The following DLG2 variants were observed in gnomAD, a reference collection of about 807,000 sequenced individuals.
DLG2 encodes the protein discs large MAGUK scaffold protein 2.
Under a neutral mutation model 132.5 loss-of-function variants are expected in DLG2, and 45 were observed. That is an observed-to-expected ratio of 0.34 (90% CI 0.27 to 0.44). The LOEUF is 0.44. Among genes scored for constraint, DLG2 ranks in the 20% least tolerant of loss-of-function variants. DLG2 has a pLI of 1.00. For missense variants in DLG2, 1,045 were observed against 1,196.9 expected, an observed-to-expected ratio of 0.87 and a Z score of 1.87; for synonymous variants, 424 against 419.6, an observed-to-expected ratio of 1.01 and a Z score of -0.13.
chr11:85,060,266 C>A (rs567394983), intron 6 of DLG2, among the ~76,000 whole-genome samples: 7 of 151,164 alleles, frequency 4.6e-5, no homozygotes, highest in African/African-American at 1.7e-4. Context: ...CATATTGTAG[C>A]ATATGACAAG....
intron 6 of DLG2, among the ~76,000 whole-genome samples, chr11:84,879,660 G>A (rs907459899): frequency 8.6e-5 from 13 of 152,026 alleles, no homozygotes; most frequent in African/African-American, 3.1e-4. Flanking sequence ...TGGTTTTTAG[G>A]GCTAGGACGT....
At chr11:85,179,548 C>T (rs1222703079) in intron 4 of DLG2, among the ~76,000 whole-genome samples, 1 of 151,112 alleles carries the variant, frequency 6.6e-6, no homozygotes, top group Non-Finnish European at 1.5e-5. Flanking sequence ...ATTATGTATG[C>T]CAAAAAGATA....
intron 3 of DLG2, among the ~76,000 whole-genome samples, chr11:85,447,430 G>A (rs973609025): frequency 1.3e-5 from 2 of 152,064 alleles, no homozygotes; most frequent in Non-Finnish European, 2.9e-5. Flanking sequence ...AATATGACTG[G>A]TGACTTTATA....
chr11:84,381,855 T>G (rs915123848), intron 7 of DLG2, among the ~76,000 whole-genome samples: 3 of 152,124 alleles, frequency 2.0e-5, no homozygotes, highest in Non-Finnish European at 2.9e-5. Flanking sequence ...CCAACTGAAC[T>G]TAGATTGTCT....
At chr11:84,756,199 C>T (rs2066855454) in intron 6 of DLG2, among the ~76,000 whole-genome samples, 1 of 152,034 alleles carries the variant, frequency 6.6e-6, no homozygotes, top group Non-Finnish European at 1.5e-5. Context: ...CTTTTTTATG[C>T]CTTTGTTTTC....
intron 18 of DLG2, among the ~76,000 whole-genome samples, chr11:83,758,430 A>G (rs1016941237): frequency 6.6e-6 from 1 of 152,198 alleles, no homozygotes; most frequent in African/African-American, 2.4e-5. Flanking sequence ...TTTGCAGTCT[A>G]TAGGAGAATA....
chr11:84,345,429 C>A (rs992708017), intron 7 of DLG2, among the ~76,000 whole-genome samples: 1 of 152,178 alleles, frequency 6.6e-6, no homozygotes, highest in Non-Finnish European at 1.5e-5. Context: ...ATTGACCCTA[C>A]TTCTAAACTC....
chr11:84,487,911 A>T (rs1165291088), intron 7 of DLG2, among the ~76,000 whole-genome samples: 3 of 152,150 alleles, frequency 2.0e-5, no homozygotes, highest in Non-Finnish European at 4.4e-5. Context: ...AGGAAAAAGC[A>T]CCTAATGTAT....
At chr11:85,427,598 C>G (rs936406820) in intron 3 of DLG2, among the ~76,000 whole-genome samples, 22 of 152,258 alleles carry the variant, frequency 1.4e-4, no homozygotes, top group East Asian at 7.7e-4. Flanking sequence ...TCACCACCAG[C>G]CCTGCCCTAA....
chr11:83,513,675 G>A (rs528919886), intron 21 of DLG2, among the ~76,000 whole-genome samples: 3 of 152,308 alleles, frequency 2.0e-5, no homozygotes, highest in Admixed American at 2.0e-4. Flanking sequence ...TAACATTTAA[G>A]TCTTTAATCC....
At chr11:84,824,368 A>G (rs1048414536) in intron 6 of DLG2, among the ~76,000 whole-genome samples, 1 of 151,974 alleles carries the variant, frequency 6.6e-6, no homozygotes, top group Non-Finnish European at 1.5e-5. Flanking sequence ...CACATAGCTA[A>G]CAAAAAAAGA....
chr11:83,833,417 AACAG>A (rs1310039079), intron 17 of DLG2, among the ~76,000 whole-genome samples, 193 bp downstream of exon 17: 1 of 152,178 alleles, frequency 6.6e-6, no homozygotes, highest in Non-Finnish European at 1.5e-5. Flanking sequence ...CAGCCTGGGC[AACAG>A]ACAGAGCGAG....
intron 5 of DLG2, among the ~76,000 whole-genome samples, chr11:85,137,921 A>T (rs1006966826): frequency 1.3e-5 from 2 of 151,982 alleles, no homozygotes; most frequent in Admixed American, 6.6e-5. Flanking sequence ...AAAAGACTGA[A>T]TTTTTCAGAG....
At chr11:85,507,701 C>G (rs2093967259) in intron 3 of DLG2, among the ~76,000 whole-genome samples, 1 of 152,072 alleles carries the variant, frequency 6.6e-6, no homozygotes, top group Non-Finnish European at 1.5e-5. Flanking sequence ...TTGCTCTTCT[C>G]AAGGAGTATC....
chr11:85,482,593 C>T lies in DLG2; in HGVS notation c.40+116064G>A, dbSNP rs1203322697. Among the ~76,000 whole-genome samples the T allele has an allele frequency of 2.0e-5, 3 of 152,130 alleles. No individual in the cohort carries two copies. The East Asian group carries it at 5.8e-4, about 29-fold the overall frequency. On this transcript the variant is annotated intron_variant, in intron 3 of 27. Coordinates refer to ENST00000376104, the MANE Select transcript of DLG2 (RefSeq NM_001142699.3). ...CCCTAGGCCAGGTCCTAGACCTGTG[C>T]CTCTAAGGCAATACCAGCAGGCACA... is the stretch of plus-strand genomic sequence containing the variant.
At chr11:85,338,925 C>T (rs551018414) in intron 3 of DLG2, among the ~76,000 whole-genome samples, 1 of 152,012 alleles carries the variant, frequency 6.6e-6, no homozygotes, top group Admixed American at 6.6e-5. Flanking sequence ...ATCTCCTGAC[C>T]TCGTGATCCG....
At chr11:84,048,309 A>T (rs1228018507) in intron 11 of DLG2, among the ~76,000 whole-genome samples, 2 of 151,636 alleles carry the variant, frequency 1.3e-5, no homozygotes, top group African/African-American at 4.8e-5. Context: ...AGAAGGTTGC[A>T]CTATATATAT....
chr11:84,921,391 TC>T (rs1229452157), intron 6 of DLG2, among the ~76,000 whole-genome samples: 7 of 152,138 alleles, frequency 4.6e-5, no homozygotes, highest in Non-Finnish European at 1.0e-4. Flanking sequence ...AAGAAGTATA[TC>T]TCAGTACAGA....
At chr11:85,201,294 A>G (rs923914695) in intron 4 of DLG2, among the ~76,000 whole-genome samples, 2 of 152,132 alleles carry the variant, frequency 1.3e-5, no homozygotes, top group Admixed American at 1.3e-4. Context: ...CAGTCTCACC[A>G]ATCTCCTTTC....
Sources: allele counts gnomAD v4.1 joint callset (sites outside exome capture counted in the v4.1 genomes callset), GRCh38; gene constraint gnomAD v4.1.1; transcripts MANE v1.5; gene names NCBI Gene and HGNC (gene_info 2026-07-23, HGNC 2026-07-21).